Variants in WWOX observed in about 807,000 individuals in gnomAD.
WWOX encodes WW domain-containing oxidoreductase.
WWOX carries 69 observed loss-of-function variants against 46.2 expected under a neutral mutation model. The observed-to-expected ratio is 1.49, with a 90% CI of 1.23 to 1.82. The LOEUF is 1.82. Ranked by LOEUF, WWOX falls within the 40% of genes most tolerant of loss-of-function variation. The pLI is 0.00. For missense variants in WWOX, 919 were observed against 542.6 expected, an observed-to-expected ratio of 1.69 and a Z score of -6.89; for synonymous variants, 359 against 202.6, an observed-to-expected ratio of 1.77 and a Z score of -6.56.
rs147521568 is a variant in WWOX, at chr16:78,656,139, A to G, written c.1056+223387A>G. 1.8e-3 allele frequency among the ~76,000 whole-genome samples: 277 copies of G among 152,232 alleles called. 3 individuals carry two copies. Among genetic ancestry groups the G allele is most frequent in the Middle Eastern group, 3.4e-3 (1 of 294 alleles). On this transcript the variant is annotated intron_variant, in intron 8 of 8. Coordinates refer to ENST00000566780, the MANE Select transcript of WWOX (RefSeq NM_016373.4). ...AATTATTATGTCAACATGAGGATGA[A>G]AGTTATGCTCTGTTGTTTCTCATAA...
chr16:78,606,442 A>C (rs1227308520), intron 8 of WWOX, among the ~76,000 whole-genome samples: 1 of 151,946 alleles, frequency 6.6e-6, no homozygotes, highest in Non-Finnish European at 1.5e-5. Flanking sequence ...GTTGATGACC[A>C]AGAGAAGAAA....
intron 5 of WWOX, among the ~76,000 whole-genome samples, chr16:78,299,956 A>T (rs1379162942): frequency 2.6e-5 from 4 of 152,156 alleles, no homozygotes; most frequent in African/African-American, 9.7e-5. Flanking sequence ...CGAGTCCAAG[A>T]GATTGTGAAG....
chr16:78,136,436 T>C (rs1021858434), intron 4 of WWOX, among the ~76,000 whole-genome samples: 2 of 152,192 alleles, frequency 1.3e-5, no homozygotes, highest in African/African-American at 4.8e-5. Flanking sequence ...GTTCATTGAG[T>C]CATGTCTCTC....
chr16:78,912,127 C>T (rs1165835281), intron 8 of WWOX, among the ~76,000 whole-genome samples: 1 of 151,908 alleles, frequency 6.6e-6, no homozygotes, highest in African/African-American at 2.4e-5. Context: ...TCAACTTCCT[C>T]ATGTATAAAG....
Position 78,695,981 on chromosome 16 carries a change from A to G in WWOX, c.1056+263229A>G, listed in dbSNP as rs150342242. Among the ~76,000 whole-genome samples, 1,144 of 152,068 alleles carry G rather than the reference A, an allele frequency of 7.5e-3. 8 individuals are homozygous for G. The highest frequency in any genetic ancestry group is 0.016 in the Admixed American group (249 of 15,268). On this transcript the variant is annotated intron_variant, in intron 8 of 8. Transcript: ENST00000566780. The stretch of plus-strand genomic sequence containing the variant: ...ATGCAGATCTTGGGCCCCGCCCCAG[A>G]CCTCCTGAATGTGAATCTCTGGTGG...
intron 8 of WWOX, among the ~76,000 whole-genome samples, chr16:78,761,603 T>C (rs1210332678): frequency 6.6e-6 from 1 of 152,032 alleles, no homozygotes; most frequent in African/African-American, 2.4e-5. Flanking sequence ...CTAGAGGAGA[T>C]TGGTTTGTGG....
intron 8 of WWOX, among the ~76,000 whole-genome samples, chr16:78,844,956 T>C (rs1391813327): frequency 1.3e-5 from 2 of 152,144 alleles, no homozygotes; most frequent in African/African-American, 2.4e-5. Context: ...ACTGGCCTAT[T>C]GAGGCAGGAA....
intron 8 of WWOX, among the ~76,000 whole-genome samples, chr16:78,869,547 C>T (rs1365498094): frequency 6.6e-6 from 1 of 152,280 alleles, no homozygotes; most frequent in African/African-American, 2.4e-5. Context: ...CAAGTCTGGT[C>T]AATTGAAACA....
rs144390579 is a variant in WWOX, at chr16:78,633,216, C to G, written c.1056+200464C>G. Among the ~76,000 whole-genome samples, 817 of 152,104 alleles carry G rather than the reference C, an allele frequency of 5.4e-3. 5 individuals are homozygous for G. Among genetic ancestry groups the G allele is most frequent in the Non-Finnish European group, 8.3e-3 (562 of 68,006 alleles). ...GGCAGAGGTTGCAGTGAGCTGAGAT[C>G]GTGCCACTGCGCTCCATGCTAGGTG... On this transcript the variant is annotated intron_variant, in intron 8 of 8. Transcript: ENST00000566780.
rs1451248086 is a variant in WWOX, at chr16:78,798,579, AGTT to A, written c.1056+365835_1056+365837del. On this transcript the variant is annotated intron_variant, in intron 8 of 8. Coordinates refer to ENST00000566780, the MANE Select transcript of WWOX (RefSeq NM_016373.4). ...ATATATTCCTCCCTCCCCCCAAGGT[AGTT>A]GTTGTTGGGTTTTTTTTTTTTTTTT... is the stretch of plus-strand genomic sequence containing the variant. Among the ~76,000 whole-genome samples the A allele has an allele frequency of 6.9e-5, 9 of 130,016 alleles. No individual in the cohort carries two copies. In the South Asian group the frequency reaches 2.2e-3, roughly 32 times the overall value. 85.3% of individuals were successfully genotyped at this position (130,016 alleles called of 152,430 possible). A position where few individuals can be genotyped will look rare whatever the true frequency, so the allele number is the denominator to read the frequency against.
In WWOX at chr16:78,151,043, A is replaced by ATTTT. The variant is rs10629101; in HGVS notation, c.410-13127_410-13124dup. Reference sequence around the variant, plus strand: ...CAGGTGCATGGCACTGTGCTCCACAATTTTTTTTTTTTTTTTAGAGATGGG... The same window carrying ATTTT: ...CAGGTGCATGGCACTGTGCTCCACAATTTTTTTTTTTTTTTTTTTTAGAGATGGG... On this transcript the variant is annotated intron_variant, in intron 4 of 8. Coordinates refer to ENST00000566780, the MANE Select transcript of WWOX (RefSeq NM_016373.4). 5.8e-3 allele frequency among the ~76,000 whole-genome samples: 814 copies of ATTTT among 140,896 alleles called. 8 individuals carry two copies. The highest frequency in any genetic ancestry group is 0.011 in the Middle Eastern group (3 of 270). 92.4% of individuals were successfully genotyped at this position (140,896 alleles called of 152,430 possible). A position where few individuals can be genotyped will look rare whatever the true frequency, so the allele number is the denominator to read the frequency against.
intron 8 of WWOX, among the ~76,000 whole-genome samples, chr16:78,915,104 G>T (rs919911130): frequency 1.3e-5 from 2 of 152,094 alleles, no homozygotes; most frequent in Non-Finnish European, 2.9e-5. Context: ...TGGTTAAATG[G>T]AGATCAAGTG....
intron 8 of WWOX, among the ~76,000 whole-genome samples, chr16:78,467,111 TTA>T (rs1204526561): frequency 6.6e-6 from 1 of 152,226 alleles, no homozygotes; most frequent in Admixed American, 6.5e-5. Flanking sequence ...TCTATGTGCA[TTA>T]TAGTCTTTGA....
chr16:78,380,714 C>G (rs1417139807), intron 5 of WWOX, among the ~76,000 whole-genome samples: 1 of 152,144 alleles, frequency 6.6e-6, no homozygotes, highest in African/African-American at 2.4e-5. Context: ...TGCCTGACTT[C>G]CCGATAGGGC....
chr16:79,096,910 A>C (rs188873339), intron 8 of WWOX, among the ~76,000 whole-genome samples: 270 of 152,254 alleles, frequency 1.8e-3, no homozygotes, highest in African/African-American at 6.1e-3. Context: ...GGGGAGAAGA[A>C]AGGATCAGGG....
chr16:78,874,476 G>A (rs2044193391), intron 8 of WWOX, among the ~76,000 whole-genome samples: 1 of 151,946 alleles, frequency 6.6e-6, no homozygotes, highest in Non-Finnish European at 1.5e-5. Context: ...AAAAAATTAT[G>A]GACTTGTCTG....
chr16:78,197,314 A>C (rs1043311994), intron 5 of WWOX, among the ~76,000 whole-genome samples: 1 of 152,194 alleles, frequency 6.6e-6, no homozygotes, highest in African/African-American at 2.4e-5. Flanking sequence ...ATATTATACC[A>C]AGCTTTAATA....
intron 8 of WWOX, chr16:79,004,739 T>C (rs1403896212): frequency 6.6e-6 from 1 of 152,238 alleles, no homozygotes; most frequent in Non-Finnish European, 1.5e-5. Flanking sequence ...TACTTGAAAG[T>C]CCAGCTGTGT....
chr16:78,577,976 C>G (rs574737625), intron 8 of WWOX, among the ~76,000 whole-genome samples: 1 of 151,946 alleles, frequency 6.6e-6, no homozygotes, highest in African/African-American at 2.4e-5. Flanking sequence ...AATATTTTCA[C>G]AAGAACATTT....
Sources: allele counts gnomAD v4.1 joint callset (sites outside exome capture counted in the v4.1 genomes callset), GRCh38; gene constraint gnomAD v4.1.1; transcripts MANE v1.5; gene names NCBI Gene and HGNC (gene_info 2026-07-23, HGNC 2026-07-21).